SCHIP1: variants seen among roughly 807,000 people sequenced by gnomAD.
SCHIP1 encodes the protein schwannomin-interacting protein 1.
Under a neutral mutation model 29.7 loss-of-function variants are expected in SCHIP1, and 8 were observed. The observed-to-expected ratio is 0.27, with a 90% CI of 0.16 to 0.49. SCHIP1 has a LOEUF of 0.49. Ranked by LOEUF, SCHIP1 falls within the 20% of genes least tolerant of loss-of-function variation. SCHIP1 has a pLI of 0.99. For synonymous variants in SCHIP1, 76 were observed against 94.9 expected (o/e 0.80, Z 1.16); for missense variants, 193 against 294.6 (o/e 0.66, Z 2.52).
chr3:159,322,243 A>G, the SCHIP1 span, among the ~76,000 whole-genome samples: 3,930 of 152,250 alleles, frequency 0.026, 169 homozygotes, highest in African/African-American at 0.089. Flanking sequence ...TGGTGTTTCA[A>G]CAATGTCAGT....
the SCHIP1 span, among the ~76,000 whole-genome samples, chr3:159,486,966 G>A: frequency 6.6e-6 from 1 of 152,172 alleles, no homozygotes; most frequent in Non-Finnish European, 1.5e-5. Context: ...CAAGAGAAGG[G>A]GAGAGTAGAT....
the SCHIP1 span, among the ~76,000 whole-genome samples, chr3:159,534,909 C>A: frequency 6.6e-6 from 1 of 152,144 alleles, no homozygotes; most frequent in Non-Finnish European, 1.5e-5. Context: ...TATCCACTCC[C>A]CAACCCAAAA....
the SCHIP1 span, among the ~76,000 whole-genome samples, chr3:159,690,286 C>T: frequency 3.9e-5 from 6 of 152,154 alleles, no homozygotes; most frequent in Admixed American, 3.9e-4. Context: ...TGTTATTGGT[C>T]TATTCATGGA....
At chr3:159,826,291 A>G in the SCHIP1 span, among the ~76,000 whole-genome samples, 1 of 152,208 alleles carries the variant, frequency 6.6e-6, no homozygotes, top group Non-Finnish European at 1.5e-5. Context: ...GTGGGGCTAA[A>G]TTTGTGCCAT....
the SCHIP1 span, among the ~76,000 whole-genome samples, chr3:159,549,890 A>G: frequency 6.6e-6 from 1 of 152,110 alleles, no homozygotes; most frequent in Non-Finnish European, 1.5e-5. Context: ...TATTTTGTCC[A>G]AAGTTTATAC....
At chr3:159,384,082 T>C in the SCHIP1 span, among the ~76,000 whole-genome samples, 1 of 151,730 alleles carries the variant, frequency 6.6e-6, no homozygotes, top group African/African-American at 2.4e-5. Context: ...CCTCTTTTCC[T>C]AATTGAATAC....
the SCHIP1 span, chr3:159,764,411 C>T: frequency 6.5e-7 from 1 of 1,546,448 alleles, no homozygotes; most frequent in Non-Finnish European, 8.7e-7. This position sits in a 1 kb window ranked among gnomAD's most constrained non-coding sequence, Gnocchi z 6.1. Context: ...CAGGCTTGGC[C>T]CAGCAGCTCA....
the SCHIP1 span, among the ~76,000 whole-genome samples, chr3:159,429,990 A>G: frequency 1.3e-5 from 2 of 152,204 alleles, no homozygotes; most frequent in Non-Finnish European, 2.9e-5. Flanking sequence ...GTTTCTGAAC[A>G]TGGGACTGAG....
the SCHIP1 span, among the ~76,000 whole-genome samples, chr3:159,601,213 A>G: frequency 6.6e-6 from 1 of 152,102 alleles, no homozygotes; most frequent in Non-Finnish European, 1.5e-5. Flanking sequence ...GGCAGCCTGC[A>G]TGGTGTGGGT....
the SCHIP1 span, among the ~76,000 whole-genome samples, chr3:159,781,396 G>T: frequency 6.6e-6 from 1 of 152,104 alleles, no homozygotes; most frequent in Non-Finnish European, 1.5e-5. Flanking sequence ...GGCTGGTCTC[G>T]AACTCCTGAT....
At chr3:159,407,543 A>T in the SCHIP1 span, among the ~76,000 whole-genome samples, 9 of 152,216 alleles carry the variant, frequency 5.9e-5, no homozygotes, top group South Asian at 1.7e-3. Flanking sequence ...GACCCAATAG[A>T]TATTTACAGA....
At chr3:159,618,049 C>T in the SCHIP1 span, among the ~76,000 whole-genome samples, 1 of 152,148 alleles carries the variant, frequency 6.6e-6, no homozygotes, top group Non-Finnish European at 1.5e-5. Context: ...AAGTTGTGAA[C>T]TCAGAATGTT....
the SCHIP1 span, among the ~76,000 whole-genome samples, chr3:159,346,659 T>C: frequency 2.0e-5 from 3 of 152,162 alleles, no homozygotes; most frequent in Non-Finnish European, 4.4e-5. Context: ...TAGAGAATAA[T>C]AATTTTGTTA....
At chr3:159,532,106 G>C in the SCHIP1 span, among the ~76,000 whole-genome samples, 3 of 152,130 alleles carry the variant, frequency 2.0e-5, no homozygotes, top group African/African-American at 7.2e-5. Flanking sequence ...GGGGATTGTT[G>C]CATATCTCAT....
the SCHIP1 span, among the ~76,000 whole-genome samples, chr3:159,419,293 GT>G: frequency 2.0e-4 from 30 of 152,280 alleles, no homozygotes; most frequent in South Asian, 3.9e-3. Flanking sequence ...AGGACTAGAG[GT>G]GCTGTGTGTG....
the SCHIP1 span, among the ~76,000 whole-genome samples, chr3:159,657,162 G>A: frequency 6.6e-6 from 1 of 152,158 alleles, no homozygotes; most frequent in Non-Finnish European, 1.5e-5. Context: ...TTTAAAATAA[G>A]CTTCCAGGAG....
chr3:159,502,294 G>C, the SCHIP1 span, among the ~76,000 whole-genome samples: 6 of 152,130 alleles, frequency 3.9e-5, no homozygotes, highest in Admixed American at 3.9e-4. Context: ...TGCGTTATGT[G>C]CATGTGTTGG....
the SCHIP1 span, among the ~76,000 whole-genome samples, chr3:159,372,664 C>T: frequency 6.6e-6 from 1 of 151,938 alleles, no homozygotes; most frequent in Non-Finnish European, 1.5e-5. Context: ...TTTTATATAG[C>T]CTACAAAAGC....
the SCHIP1 span, among the ~76,000 whole-genome samples, chr3:159,604,592 T>C: frequency 1.3e-5 from 2 of 152,142 alleles, no homozygotes; most frequent in Non-Finnish European, 2.9e-5. Flanking sequence ...ACTAGGGAAG[T>C]TATTCAAGTA....
Sources: allele counts gnomAD v4.1 joint callset (sites outside exome capture counted in the v4.1 genomes callset), GRCh38; gene constraint gnomAD v4.1.1; non-coding constraint Gnocchi (gnomAD v3.1); transcripts MANE v1.5; gene names NCBI Gene and HGNC (gene_info 2026-07-23, HGNC 2026-07-21).